Variants in TIAM2 observed in about 807,000 individuals in gnomAD.
TIAM2 encodes rho guanine nucleotide exchange factor TIAM2.
In TIAM2, 80 loss-of-function variants were observed where a neutral mutation model predicts 152.9. The observed-to-expected ratio is 0.52, with a 90% confidence interval of 0.44 to 0.63. TIAM2 has a LOEUF of 0.63. Ranked by LOEUF, TIAM2 falls within the 30% of genes least tolerant of loss-of-function variation. TIAM2 has a pLI of 0.00. For missense variants in TIAM2, 1,965 were observed against 2,120.1 expected (o/e 0.93, Z 1.44); for synonymous variants, 804 against 838.0 (o/e 0.96, Z 0.70).
intron 2 of TIAM2, among the ~76,000 whole-genome samples, chr6:155,096,197 GAA>G (rs1316367349): frequency 6.6e-6 from 1 of 152,086 alleles, no homozygotes; most frequent in African/African-American, 2.4e-5. Context: ...TCACTTTAAA[GAA>G]AAACTTTTTA....
Position 155,174,379 on chromosome 6 carries a change from T to G in TIAM2, c.2362-2437T>G, listed in dbSNP as rs1780710582. Reference sequence around the variant, plus strand: ...TTTGGTCTCACGAGATGCAGTCTTTTTTTTTTTTTGAGATGGAGCCTCCCT... The same window carrying G: ...TTTGGTCTCACGAGATGCAGTCTTTGTTTTTTTTTGAGATGGAGCCTCCCT... On this transcript the variant is annotated intron_variant, in intron 9 of 26. Transcript: ENST00000682666. The surrounding 1 kb of genome is among the most constrained non-coding windows in gnomAD (Gnocchi z 4.2). Among the ~76,000 whole-genome samples, 1 of 152,042 alleles carries G rather than the reference T, an allele frequency of 6.6e-6. No individual in the cohort carries two copies. The highest frequency in any genetic ancestry group is 1.9e-4 in the East Asian group (1 of 5,184).
chr6:155,119,367 A>G (rs552227187), intron 2 of TIAM2, among the ~76,000 whole-genome samples: 13 of 141,684 alleles, frequency 9.2e-5, no homozygotes, highest in Non-Finnish European at 2.0e-4. Context: ...TTTGAGTGAG[A>G]ATCTCTTCTT....
intron 15 of TIAM2, among the ~76,000 whole-genome samples, chr6:155,226,187 C>T (rs376169666): frequency 2.6e-5 from 4 of 152,140 alleles, no homozygotes; most frequent in South Asian, 4.1e-4. Context: ...TCTTCATAAG[C>T]GATGAAAAGC....
At chr6:155,217,562 CA>C (rs1781891908) in intron 15 of TIAM2, among the ~76,000 whole-genome samples, 1 of 152,198 alleles carries the variant, frequency 6.6e-6, no homozygotes, top group South Asian at 2.1e-4. Context: ...AGAAAATTCA[CA>C]AACATGAAAC....
chr6:155,250,397 AT>A, intron 21 of TIAM2: 1 of 578,674 alleles, frequency 1.7e-6, no homozygotes, highest in South Asian at 3.5e-5. Context: ...TTTTTATCTG[AT>A]TGCTTAATTT....
At chr6:155,099,523 G>A (rs1285947717) in intron 2 of TIAM2, among the ~76,000 whole-genome samples, 1 of 152,150 alleles carries the variant, frequency 6.6e-6, no homozygotes. Context: ...TAGCCATTGA[G>A]TAATTAATGA....
intron 14 of TIAM2, among the ~76,000 whole-genome samples, chr6:155,194,863 T>G (rs1411490589): frequency 6.6e-6 from 1 of 152,056 alleles, no homozygotes; most frequent in Non-Finnish European, 1.5e-5. Context: ...ATGGGGGCGG[T>G]TTCCCCCATG....
intron 14 of TIAM2, among the ~76,000 whole-genome samples, chr6:155,195,475 GT>G (rs1781319627): frequency 6.6e-6 from 1 of 152,208 alleles, no homozygotes; most frequent in African/African-American, 2.4e-5. Flanking sequence ...GTTACTGCCT[GT>G]TGTGTCAGGC....
At chr6:155,233,361 G>A (rs1055213013) in intron 15 of TIAM2, among the ~76,000 whole-genome samples, 10 of 152,140 alleles carry the variant, frequency 6.6e-5, no homozygotes, top group African/African-American at 2.2e-4. Flanking sequence ...GAAAAGTATT[G>A]CACTGAACCC....
chr6:155,094,465 T>A (rs1438513996), intron 2 of TIAM2, among the ~76,000 whole-genome samples: 1 of 151,950 alleles, frequency 6.6e-6, no homozygotes, highest in Non-Finnish European at 1.5e-5. Context: ...TGCCGAAGTA[T>A]ACTTGTAGAA....
intron 2 of TIAM2, among the ~76,000 whole-genome samples, chr6:155,094,203 T>C (rs978974801): frequency 6.6e-6 from 1 of 152,236 alleles, no homozygotes; most frequent in South Asian, 2.1e-4. Context: ...GCTGAAGCTG[T>C]GTAGATGGTG....
chr6:155,136,988 T>C (rs940393953), intron 4 of TIAM2, among the ~76,000 whole-genome samples, 189 bp from the exon 5 acceptor site: 3 of 152,248 alleles, frequency 2.0e-5, no homozygotes. Flanking sequence ...ATAAATTGAC[T>C]TGGGCAACAC....
intron 1 of TIAM2, among the ~76,000 whole-genome samples, chr6:155,033,194 C>A (rs1776857091): frequency 6.6e-6 from 1 of 152,156 alleles, no homozygotes; most frequent in South Asian, 2.1e-4. Flanking sequence ...CGGCCCCAGG[C>A]CCTCTGCAGC....
chr6:155,042,028 CT>C (rs72351471), intron 1 of TIAM2, among the ~76,000 whole-genome samples: 6 of 151,220 alleles, frequency 4.0e-5, no homozygotes, highest in Non-Finnish European at 8.9e-5. Flanking sequence ...GACTTTTTTT[CT>C]TTTTTTTTAA....
intron 1 of TIAM2, among the ~76,000 whole-genome samples, chr6:155,052,582 A>G (rs1304384383): frequency 6.6e-6 from 1 of 151,998 alleles, no homozygotes; most frequent in African/African-American, 2.4e-5. Context: ...CCTGGCCAAC[A>G]TGGTGAAACC....
chr6:155,175,473 A>AT (rs3840377), intron 9 of TIAM2, among the ~76,000 whole-genome samples: 17,589 of 152,206 alleles, frequency 0.12, 1,692 homozygotes, highest in African/African-American at 0.27. Flanking sequence ...TACAGGTGAC[A>AT]TTTTCTGGTA....
At chr6:155,106,501 A>C (rs1778693089) in intron 2 of TIAM2, among the ~76,000 whole-genome samples, 1 of 152,040 alleles carries the variant, frequency 6.6e-6, no homozygotes, top group Admixed American at 6.5e-5. Flanking sequence ...AAATGAAAGA[A>C]CTCTAGCAAG....
intron 15 of TIAM2, among the ~76,000 whole-genome samples, chr6:155,219,130 G>A (rs946794447): frequency 2.6e-5 from 4 of 151,872 alleles, no homozygotes; most frequent in Non-Finnish European, 4.4e-5. Flanking sequence ...CTCCCGAACC[G>A]TCCCATGAGA....
intron 7 of TIAM2, among the ~76,000 whole-genome samples, chr6:155,151,959 G>C (rs2151956): frequency 0.51 from 77,470 of 150,746 alleles, 20,431 homozygotes; most frequent in South Asian, 0.59. Context: ...ATTCCCATGC[G>C]TCAGCCTCCT....
Sources: allele counts gnomAD v4.1 joint callset (sites outside exome capture counted in the v4.1 genomes callset), GRCh38; gene constraint gnomAD v4.1.1; non-coding constraint Gnocchi (gnomAD v3.1); transcripts MANE v1.5; gene names NCBI Gene and HGNC (gene_info 2026-07-23, HGNC 2026-07-21).